The following AGAP1 variants were observed in gnomAD, a reference collection of about 807,000 sequenced individuals.
AGAP1 encodes the protein ArfGAP with GTPase domain, ankyrin repeat and PH domain 1.
Under a neutral mutation model 105.3 loss-of-function variants are expected in AGAP1, and 29 were observed. The ratio of observed to expected loss-of-function variants is 0.28; its 90% CI spans 0.21 to 0.38. The LOEUF (loss-of-function observed/expected upper bound fraction) is 0.38, where lower values mean the gene tolerates loss of function less well. Among genes scored for constraint, AGAP1 ranks in the 10% least tolerant of loss-of-function variants. The pLI is 1.00. For missense variants in AGAP1, 998 were observed against 1,165.1 expected (o/e 0.86, Z 2.09); for synonymous variants, 509 against 485.9 (o/e 1.05, Z -0.63).
intron 1 of AGAP1, among the ~76,000 whole-genome samples, chr2:235,536,627 TCACACACACACACACACACACA>T (rs370173877): frequency 2.8e-4 from 30 of 108,314 alleles, no homozygotes; most frequent in African/African-American, 7.0e-4. Flanking sequence ...GTCGCATCCT[TCACACACACACACACACACACA>T]CACACACACA....
chr2:235,688,232 C>A (rs981853549), intron 1 of AGAP1, among the ~76,000 whole-genome samples: 26 of 152,156 alleles, frequency 1.7e-4, no homozygotes, highest in African/African-American at 6.0e-4. Flanking sequence ...AACCTCCTGT[C>A]TACTCTTGCT....
At chr2:235,511,622 T>C (rs1202020491) in intron 1 of AGAP1, among the ~76,000 whole-genome samples, 3 of 152,222 alleles carry the variant, frequency 2.0e-5, no homozygotes, top group Non-Finnish European at 4.4e-5. Context: ...AATTACTCAC[T>C]TGTTTTCTGG....
At chr2:235,730,132 A>C (rs1951861427) in intron 3 of AGAP1, among the ~76,000 whole-genome samples, 1 of 152,174 alleles carries the variant, frequency 6.6e-6, no homozygotes, top group Non-Finnish European at 1.5e-5. Flanking sequence ...GTACTTTTAC[A>C]TACTCACTTC....
rs1329172639 is a variant in AGAP1, at chr2:236,050,975, CCT to C, written c.2114+1695_2114+1696del. Among the ~76,000 whole-genome samples, 1 of 152,056 alleles carries C rather than the reference CCT, an allele frequency of 6.6e-6. No individual in the cohort carries two copies. Among genetic ancestry groups the C allele is most frequent in the Non-Finnish European group, 1.5e-5 (1 of 68,024 alleles). On this transcript the variant is annotated intron_variant, in intron 16 of 17. Transcript: ENST00000304032. This position sits in a 1 kb window ranked among gnomAD's most constrained non-coding sequence, Gnocchi z 4.0. ...TGAATTAAGTTCTTGAGTGCAGAGCCCTGTCTTTTTTCCAGTGTTACATACAT... is the reference window on the plus strand; with the variant it reads ...TGAATTAAGTTCTTGAGTGCAGAGCCGTCTTTTTTCCAGTGTTACATACAT...
rs967524210 is a variant in AGAP1 at position 235,614,628 on chromosome 2, G to A, written c.164-94551G>A. On this transcript the variant is annotated intron_variant, in intron 1 of 17. Transcript: ENST00000304032. This position sits in a 1 kb window ranked among gnomAD's most constrained non-coding sequence, Gnocchi z 4.7. ...ACCCAGGCCTGCAGGAGTGTGGGTT[G>A]GCTCTCTACCCCCGTTGCAGATTGG... Among the ~76,000 whole-genome samples, 1 of 152,214 alleles carries A rather than the reference G, an allele frequency of 6.6e-6. No homozygotes were observed. Among genetic ancestry groups the A allele is most frequent in the Non-Finnish European group, 1.5e-5 (1 of 68,042 alleles).
At position 235,582,977 on chromosome 2, in the gene AGAP1, C is replaced by T. The variant is rs1471362210; in HGVS notation, c.163+88128C>T. Among the ~76,000 whole-genome samples, 5 of 152,200 alleles carry T rather than the reference C, an allele frequency of 3.3e-5. No individual in the cohort carries two copies. The highest frequency in any genetic ancestry group is 4.8e-5 in the African/African-American group (2 of 41,440). On this transcript the variant is annotated intron_variant, in intron 1 of 17. Transcript: ENST00000304032. The surrounding 1 kb of genome is among the most constrained non-coding windows in gnomAD (Gnocchi z 4.7). ...TTGTTGGGATTTGGCTCGGAACCTG[C>T]CAAGGACCCCTGTGTGTTAAAGTTG...
At chr2:235,525,681 A>T (rs998306991) in intron 1 of AGAP1, among the ~76,000 whole-genome samples, 1 of 126,520 alleles carries the variant, frequency 7.9e-6, no homozygotes, top group African/African-American at 3.1e-5. Context: ...ACTGATTTAT[A>T]AAGTAGAGGA....
chr2:235,917,588 A>C (rs1202635834), intron 11 of AGAP1, among the ~76,000 whole-genome samples: 11 of 151,942 alleles, frequency 7.2e-5, no homozygotes, highest in Admixed American at 7.2e-4. Flanking sequence ...GGTAATAAGG[A>C]GAGCTTGATT....
At chr2:235,767,155 C>T (rs1220454158) in intron 6 of AGAP1, among the ~76,000 whole-genome samples, 1 of 152,158 alleles carries the variant, frequency 6.6e-6, no homozygotes, top group African/African-American at 2.4e-5. Flanking sequence ...AGGTGATCTG[C>T]CCACCTTGGC....
At chr2:235,756,853 C>G (rs1953969587) in intron 6 of AGAP1, among the ~76,000 whole-genome samples, 1 of 152,122 alleles carries the variant, frequency 6.6e-6, no homozygotes, top group South Asian at 2.1e-4. Flanking sequence ...CATCCCAAAA[C>G]CATCCCCATC....
chr2:235,917,313 A>G (rs1260383715), intron 11 of AGAP1, among the ~76,000 whole-genome samples: 3 of 152,084 alleles, frequency 2.0e-5, no homozygotes, highest in Admixed American at 6.5e-5. Flanking sequence ...TAAAGTCTCA[A>G]CCATGCTGTT....
At chr2:235,602,338 C>T (rs1040044570) in intron 1 of AGAP1, among the ~76,000 whole-genome samples, 6 of 152,316 alleles carry the variant, frequency 3.9e-5, no homozygotes, top group Admixed American at 3.9e-4. Context: ...ACATAATTCC[C>T]TCGATTTTGT....
chr2:236,033,709 G>C (rs1197118271), intron 13 of AGAP1, among the ~76,000 whole-genome samples: 1 of 152,178 alleles, frequency 6.6e-6, no homozygotes, highest in Non-Finnish European at 1.5e-5. Flanking sequence ...ACGTTGGGGA[G>C]GGCAGCTGAG....
At chr2:236,077,777 T>C (rs894812583) in intron 16 of AGAP1, among the ~76,000 whole-genome samples, 2 of 152,232 alleles carry the variant, frequency 1.3e-5, no homozygotes, top group African/African-American at 4.8e-5. Context: ...ATGGGGCTTA[T>C]GATTAATTCA....
rs1172862207 is a variant in AGAP1 at position 235,888,272 on chromosome 2, A to G, written c.1155+4823A>G. The stretch of plus-strand genomic sequence containing the variant: ...TTTAGGATCAAACCGAGAAGGTGGA[A>G]TCGAGGGTCTTTACCACCCTTGTCT... On this transcript the variant is annotated intron_variant, in intron 10 of 17. Coordinates refer to ENST00000304032, the MANE Select transcript of AGAP1 (RefSeq NM_001037131.3). This position sits in a 1 kb window ranked among gnomAD's most constrained non-coding sequence, Gnocchi z 4.8. 1.3e-5 allele frequency among the ~76,000 whole-genome samples: 2 copies of G among 152,088 alleles called. No individual in the cohort carries two copies. The highest frequency in any genetic ancestry group is 2.4e-5 in the African/African-American group (1 of 41,430).
intron 16 of AGAP1, among the ~76,000 whole-genome samples, chr2:236,060,649 C>T (rs971350667): frequency 4.0e-5 from 6 of 151,848 alleles, no homozygotes; most frequent in South Asian, 4.2e-4. Context: ...GAGCCGTGAT[C>T]GCACCACTGC....
At chr2:235,813,001 A>G (rs1958242579) in intron 9 of AGAP1, among the ~76,000 whole-genome samples, 3 of 152,224 alleles carry the variant, frequency 2.0e-5, no homozygotes, top group Admixed American at 6.5e-5. Context: ...CCGGTTCACA[A>G]CAGACCCAGC....
In AGAP1 at chr2:235,781,478, A is replaced by G. The variant is rs546188084; in HGVS notation, c.674-16281A>G. ...TTGTAAGATTTATAATAAATGCTCT[A>G]TGATGCCTTTTCTGTGCTGAATTAT... On this transcript the variant is annotated intron_variant, in intron 6 of 17. Transcript: ENST00000304032. 1.6e-4 allele frequency among the ~76,000 whole-genome samples: 24 copies of G among 152,374 alleles called. 1 individual carries two copies. The highest frequency in any genetic ancestry group is 7.7e-4 in the East Asian group (4 of 5,192).
Position 235,720,680 on chromosome 2 carries a change from A to G in AGAP1, c.310+3036A>G, listed in dbSNP as rs1249947886. 1.0e-6 allele frequency: 1 copy of G among 985,290 alleles called. No individual in the cohort carries two copies. Among genetic ancestry groups the G allele is most frequent in the Non-Finnish European group, 1.2e-6 (1 of 829,896 alleles). The allele number at this position is 985,290 out of a possible 1,614,324, so 61.0% of individuals were successfully genotyped here. The stretch of plus-strand genomic sequence containing the variant: ...CCTTGGATTCTCCCTGCGCTTCTTA[A>G]TGTCTGTGCCCTGTTCTTCTGATTT... On this transcript the variant is annotated intron_variant, in intron 3 of 17. Coordinates refer to ENST00000304032, the MANE Select transcript of AGAP1 (RefSeq NM_001037131.3). This position sits in a 1 kb window ranked among gnomAD's most constrained non-coding sequence, Gnocchi z 5.0.
Sources: allele counts gnomAD v4.1 joint callset (sites outside exome capture counted in the v4.1 genomes callset), GRCh38; gene constraint gnomAD v4.1.1; non-coding constraint Gnocchi (gnomAD v3.1); transcripts MANE v1.5; gene names NCBI Gene and HGNC (gene_info 2026-07-23, HGNC 2026-07-21).